The following SVIL variants were observed in gnomAD, a reference collection of about 807,000 sequenced individuals.
The protein encoded by SVIL is supervillin.
A neutral mutation model predicts 240.4 loss-of-function variants in SVIL; 101 were observed. That is an observed-to-expected ratio of 0.42 (90% confidence interval 0.36 to 0.50). The LOEUF (loss-of-function observed/expected upper bound fraction) is 0.50. SVIL is among the 20% of genes least tolerant of loss of function. The pLI, the probability that SVIL is intolerant of heterozygous loss-of-function variation, is 0.01. For synonymous variants in SVIL, 999 were observed against 1,100.0 expected (o/e 0.91, Z 1.82); for missense variants, 2,512 against 2,818.7 (o/e 0.89, Z 2.46).
chr10:29,590,448 C>T (rs1423053479), intron 1 of SVIL, among the ~76,000 whole-genome samples: 2 of 152,118 alleles, frequency 1.3e-5, no homozygotes, highest in Non-Finnish European at 2.9e-5. Context: ...TAAAACGGTG[C>T]CAACCGCATG....
At chr10:29,582,023 A>C (rs1303162615) in intron 1 of SVIL, among the ~76,000 whole-genome samples, 1 of 152,208 alleles carries the variant, frequency 6.6e-6, no homozygotes, top group East Asian at 1.9e-4. Context: ...TCACATTCAG[A>C]GACAGATAGT....
At chr10:29,674,061 T>C (rs947836734) in intron 2 of SVIL, among the ~76,000 whole-genome samples, 3 of 152,116 alleles carry the variant, frequency 2.0e-5, no homozygotes, top group African/African-American at 7.2e-5. Flanking sequence ...CCAAGCACAG[T>C]GGATCACACC....
intron 1 of SVIL, among the ~76,000 whole-genome samples, chr10:29,692,414 A>C (rs12243951): frequency 0.016 from 2,373 of 152,164 alleles, 46 homozygotes; most frequent in East Asian, 0.097. Context: ...TTAATCTCTC[A>C]AAACCTCTTT....
At position 29,500,966 on chromosome 10, in the gene SVIL, C is replaced by T. The variant is rs187718449; in HGVS notation, c.3517-1703G>A. Among the ~76,000 whole-genome samples the T allele has an allele frequency of 2.1e-3, 325 of 152,242 alleles. 2 individuals are homozygous for T. The highest frequency in any genetic ancestry group is 2.6e-3 in the African/African-American group (110 of 41,534). The stretch of plus-strand genomic sequence containing the variant: ...AGTTGACAGAGGAAAGGCGCCTTCC[C>T]TTCCTTTCCAGCAGCACAAAACCAG... On this transcript the variant is annotated intron_variant, in intron 17 of 37. Coordinates refer to ENST00000355867, the MANE Select transcript of SVIL (RefSeq NM_021738.3).
intron 2 of SVIL, among the ~76,000 whole-genome samples, chr10:29,681,871 C>T (rs1960684079): frequency 6.6e-6 from 1 of 152,152 alleles, no homozygotes; most frequent in Admixed American, 6.5e-5. Context: ...CTTACACAGG[C>T]TAGGAAGGGA....
At position 29,652,804 on chromosome 10, in the gene SVIL, C is replaced by T. The variant is rs141365922; in HGVS notation, c.-201+5165G>A. ...CCTAATGGCTAATGATAGTAAAAAC[C>T]TTCTCATGTGCTTAATAGTTATTAG... On this transcript the variant is annotated intron_variant, in intron 3 of 35. Transcript: ENST00000375400. Among the ~76,000 whole-genome samples the T allele has an allele frequency of 2.6e-3, 392 of 152,144 alleles. 6 individuals carry two copies. The highest frequency in any genetic ancestry group is 0.024 in the Admixed American group (371 of 15,280).
chr10:29,708,372 G>A (rs947684927), intron 1 of SVIL, among the ~76,000 whole-genome samples: 1 of 151,868 alleles, frequency 6.6e-6, no homozygotes, highest in African/African-American at 2.4e-5. Flanking sequence ...TGTAATCCCA[G>A]CACTTTGGGA....
intron 1 of SVIL, among the ~76,000 whole-genome samples, chr10:29,628,642 T>C (rs1459445010): frequency 2.0e-5 from 3 of 152,184 alleles, no homozygotes; most frequent in African/African-American, 4.8e-5. Flanking sequence ...TTCTTTTCTA[T>C]TGATAGCAGA....
chr10:29,512,632 A>C lies in SVIL; in HGVS notation c.3516+103T>G, dbSNP rs905470106. ...TGTACCCTAAGGGCAAAAATGCACA[A>C]ATGCTTCACAGAGTAGGAATTAGGT... On this transcript the variant is annotated intron_variant, in intron 17 of 37. Transcript: ENST00000355867. The C allele has an allele frequency of 3.0e-5, 48 of 1,597,806 alleles. No individual in the cohort carries two copies. The African/African-American group carries it at 6.2e-4, about 20-fold the overall frequency.
rs551602643 is a variant in SVIL, at chr10:29,634,637, G to A, written c.-418C>T. ...AAAATCCCAAAAGTTAGCCCAAATA[G>A]CGTTGTACAAAATCAAAGATCACGA... On this transcript the variant is annotated 5_prime_UTR_variant, in exon 1 of 38. Transcript: ENST00000355867. The A allele has an allele frequency of 6.6e-6, 1 of 152,200 alleles. No individual in the cohort carries two copies. Among genetic ancestry groups the A allele is most frequent in the South Asian group, 2.1e-4 (1 of 4,824 alleles). 9.4% of individuals were successfully genotyped at this position (152,200 alleles called of 1,614,324 possible). A position where few individuals can be genotyped will look rare whatever the true frequency, so the allele number is the denominator to read the frequency against.
At chr10:29,610,776 A>G (rs1957215146) in intron 1 of SVIL, among the ~76,000 whole-genome samples, 1 of 151,966 alleles carries the variant, frequency 6.6e-6, no homozygotes, top group African/African-American at 2.4e-5. Flanking sequence ...CTTTTCATGA[A>G]TCAAAAATCC....
At chr10:29,524,976 T>C (rs1315011214) in intron 13 of SVIL, among the ~76,000 whole-genome samples, 1 of 152,118 alleles carries the variant, frequency 6.6e-6, no homozygotes, top group East Asian at 1.9e-4. Flanking sequence ...GTTTAAGACA[T>C]TGAAGTCAGC....
intron 1 of SVIL, among the ~76,000 whole-genome samples, chr10:29,624,671 A>C (rs75358406): frequency 6.8e-6 from 1 of 146,932 alleles, no homozygotes. Flanking sequence ...AAGTCTCATT[A>C]AAAAAAAAAA....
chr10:29,650,390 A>C (rs1380239332), intron 3 of SVIL, among the ~76,000 whole-genome samples: 1 of 152,184 alleles, frequency 6.6e-6, no homozygotes, highest in Non-Finnish European at 1.5e-5. Flanking sequence ...GTGTGTGTGC[A>C]TTTTGAGAAA....
intron 2 of SVIL, among the ~76,000 whole-genome samples, chr10:29,658,576 G>A (rs1348085127): frequency 1.3e-5 from 2 of 152,180 alleles, no homozygotes; most frequent in African/African-American, 4.8e-5. Context: ...GCAACAAAGT[G>A]AAACCCTGTC....
intron 1 of SVIL, among the ~76,000 whole-genome samples, chr10:29,603,432 A>C (rs1956891184): frequency 6.6e-6 from 1 of 152,246 alleles, no homozygotes; most frequent in African/African-American, 2.4e-5. Context: ...GTATGTACTC[A>C]TATGAAGCTT....
intron 6 of SVIL, among the ~76,000 whole-genome samples, chr10:29,536,911 C>CAAAAAAAAAAAAA (rs59133069): frequency 2.2e-5 from 2 of 89,874 alleles, no homozygotes; most frequent in African/African-American, 4.6e-5. Context: ...GACTCTGTCA[C>CAAAAAAAAAAAAA]AAAAAAAAAA....
At position 29,720,113 on chromosome 10, in the gene SVIL, C is replaced by CAGGA. The variant is rs1331528627; in HGVS notation, c.-400+15634_-400+15637dup. ...GTCCCAGTTGCTCGGGAGGCTGAGG[C>CAGGA]AGGAAGACTGAGCCCAAGAGTTTGA... On this transcript the variant is annotated intron_variant, in intron 1 of 35. Coordinates refer to the SVIL transcript ENST00000375400. Among the ~76,000 whole-genome samples, 7 of 152,236 alleles carry CAGGA rather than the reference C, an allele frequency of 4.6e-5. No individual in the cohort carries two copies. The East Asian group carries it at 1.3e-3, about 29-fold the overall frequency.
chr10:29,465,260 G>A (rs1478258476), intron 34 of SVIL, among the ~76,000 whole-genome samples: 2 of 152,138 alleles, frequency 1.3e-5, no homozygotes, highest in African/African-American at 4.8e-5. Flanking sequence ...GGCAGTCGAC[G>A]GGTGACCATG....
Sources: gnomAD v4.1 joint callset for allele counts (sites outside exome capture counted in the v4.1 genomes callset) on GRCh38, gnomAD v4.1.1 for gene constraint, MANE v1.5 for transcripts, NCBI Gene and HGNC (gene_info 2026-07-23, HGNC 2026-07-21) for gene names.